PHACTR1: variants seen among roughly 807,000 people sequenced by gnomAD.
PHACTR1 encodes the protein phosphatase and actin regulator 1.
In PHACTR1, 16 loss-of-function variants were observed where a neutral mutation model predicts 69.2. The observed-to-expected ratio is 0.23, with a 90% CI of 0.16 to 0.35. The LOEUF is 0.35. PHACTR1 is among the 10% of genes least tolerant of loss of function. The pLI, the probability that PHACTR1 is intolerant of heterozygous loss-of-function variation, is 1.00. For missense variants in PHACTR1, 510 were observed against 734.7 expected, an observed-to-expected ratio of 0.69 and a Z score of 3.54; for synonymous variants, 312 against 284.5, an observed-to-expected ratio of 1.10 and a Z score of -0.97.
At position 12,884,577 on chromosome 6, in the gene PHACTR1, A is replaced by G. The variant is rs546942066; in HGVS notation, c.250+134787A>G. Among the ~76,000 whole-genome samples, 5 of 151,850 alleles carry G rather than the reference A, an allele frequency of 3.3e-5. No homozygotes were observed. The South Asian group carries it at 1.0e-3, about 32-fold the overall frequency. ...CACCACACCCGGCTAATTTTTTTGTATTTTTAGTAGAGACAGGGTTTCACC... is the reference window on the plus strand; with the variant it reads ...CACCACACCCGGCTAATTTTTTTGTGTTTTTAGTAGAGACAGGGTTTCACC... On this transcript the variant is annotated intron_variant, in intron 4 of 14. Transcript: ENST00000332995.
intron 4 of PHACTR1, among the ~76,000 whole-genome samples, chr6:12,862,947 C>T (rs182365862): frequency 6.6e-6 from 1 of 152,280 alleles, no homozygotes; most frequent in East Asian, 1.9e-4. Context: ...ACATGGGTTC[C>T]ACCCCAGAGC....
At chr6:13,286,668 G>A (rs1031005861) in intron 14 of PHACTR1, among the ~76,000 whole-genome samples, 2 of 152,230 alleles carry the variant, frequency 1.3e-5, no homozygotes, top group Non-Finnish European at 2.9e-5. Context: ...TGATATTTGG[G>A]AAAACCGAGG....
At chr6:12,792,541 T>G (rs922735022) in intron 4 of PHACTR1, among the ~76,000 whole-genome samples, 1 of 148,990 alleles carries the variant, frequency 6.7e-6, no homozygotes, top group Non-Finnish European at 1.5e-5. Flanking sequence ...ATAGAGTGGT[T>G]TTATTACTAA....
chr6:13,225,976 C>T (rs1769591385), intron 8 of PHACTR1, among the ~76,000 whole-genome samples: 1 of 152,244 alleles, frequency 6.6e-6, no homozygotes, highest in Admixed American at 6.5e-5. Context: ...CCACTTTCAT[C>T]ACCCTTCGCC....
intron 5 of PHACTR1, among the ~76,000 whole-genome samples, chr6:13,066,586 A>G (rs564655628): frequency 6.6e-6 from 1 of 152,346 alleles, no homozygotes; most frequent in African/African-American, 2.4e-5. Flanking sequence ...CCCCTAAAAC[A>G]TAATGGCTTA....
chr6:13,257,881 G>A (rs1775390799), intron 10 of PHACTR1, among the ~76,000 whole-genome samples: 1 of 152,172 alleles, frequency 6.6e-6, no homozygotes, highest in African/African-American at 2.4e-5. Flanking sequence ...AACCAGCACA[G>A]ATGGCTGTGC....
chr6:12,838,764 T>C (rs1165273443), intron 4 of PHACTR1, among the ~76,000 whole-genome samples: 1 of 152,184 alleles, frequency 6.6e-6, no homozygotes, highest in Non-Finnish European at 1.5e-5. Context: ...TGTGTTCCCC[T>C]AAGTATGGTT....
intron 4 of PHACTR1, among the ~76,000 whole-genome samples, chr6:12,866,831 C>T (rs1403429117): frequency 3.9e-5 from 6 of 152,154 alleles, no homozygotes; most frequent in Admixed American, 2.6e-4. Context: ...CCAAGTGGCC[C>T]GTAGGTGCTA....
At chr6:13,159,386 A>G (rs1561917947) in intron 5 of PHACTR1, among the ~76,000 whole-genome samples, 1 of 152,164 alleles carries the variant, frequency 6.6e-6, no homozygotes, top group Non-Finnish European at 1.5e-5. Flanking sequence ...TTTTCACACC[A>G]TTTTTTAAAA....
chr6:13,268,155 T>C (rs971087734), intron 10 of PHACTR1, among the ~76,000 whole-genome samples: 3 of 152,160 alleles, frequency 2.0e-5, no homozygotes, highest in Non-Finnish European at 4.4e-5. Context: ...TAATCCCAGC[T>C]ACTCGGGAAG....
At chr6:12,927,418 AAT>A (rs1788390942) in intron 4 of PHACTR1, among the ~76,000 whole-genome samples, 1 of 146,022 alleles carries the variant, frequency 6.8e-6, no homozygotes, top group Non-Finnish European at 1.5e-5. Context: ...CAACAACAAT[AAT>A]ACTGTATAAG....
At chr6:12,807,524 T>C (rs145326722) in intron 4 of PHACTR1, among the ~76,000 whole-genome samples, 20 of 152,128 alleles carry the variant, frequency 1.3e-4, no homozygotes, top group African/African-American at 7.2e-5. Context: ...GGGCAGAGAG[T>C]AGACAGAAGG....
chr6:12,947,946 T>C (rs144693759), intron 4 of PHACTR1, among the ~76,000 whole-genome samples: 3 of 152,382 alleles, frequency 2.0e-5, no homozygotes, highest in African/African-American at 7.2e-5. Flanking sequence ...CGAATTAATA[T>C]ATAAATGAAT....
At chr6:12,819,933 C>G (rs1300174049) in intron 4 of PHACTR1, among the ~76,000 whole-genome samples, 2 of 152,120 alleles carry the variant, frequency 1.3e-5, no homozygotes, top group African/African-American at 4.8e-5. Context: ...ACTAGTCACA[C>G]CAAGCATGTA....
chr6:12,786,486 A>G (rs982373323), intron 4 of PHACTR1, among the ~76,000 whole-genome samples: 5 of 152,220 alleles, frequency 3.3e-5, no homozygotes, highest in African/African-American at 7.2e-5. Flanking sequence ...AGGAAGCAGA[A>G]GGGGAAAAAT....
chr6:13,025,765 T>A (rs1353351818), intron 4 of PHACTR1, among the ~76,000 whole-genome samples: 4 of 151,928 alleles, frequency 2.6e-5, no homozygotes, highest in Non-Finnish European at 5.9e-5. Context: ...TTTGGAAACA[T>A]GTATGTATTG....
chr6:13,183,632 G>A (rs1150608), intron 7 of PHACTR1, among the ~76,000 whole-genome samples: 24,495 of 152,146 alleles, frequency 0.16, 2,039 homozygotes, highest in East Asian at 0.23. Context: ...GGAGGAGGAA[G>A]GAGGGTGGGG....
chr6:13,162,266 C>T (rs1759144441), intron 6 of PHACTR1, among the ~76,000 whole-genome samples: 1 of 123,604 alleles, frequency 8.1e-6, no homozygotes, highest in African/African-American at 3.4e-5. Context: ...TGCACGGCTA[C>T]TTTTGTTTTT....
chr6:13,218,647 C>T (rs1175127727), intron 8 of PHACTR1, among the ~76,000 whole-genome samples: 1 of 151,884 alleles, frequency 6.6e-6, no homozygotes, highest in East Asian at 1.9e-4. Flanking sequence ...TAGCGAGACC[C>T]CATCTCTACA....
Sources: gnomAD v4.1 joint callset for allele counts (sites outside exome capture counted in the v4.1 genomes callset) on GRCh38, gnomAD v4.1.1 for gene constraint, MANE v1.5 for transcripts, NCBI Gene and HGNC (gene_info 2026-07-23, HGNC 2026-07-21) for gene names.